Variants in CSMD1 observed in about 807,000 individuals in gnomAD.
CSMD1 encodes the protein CUB and sushi domain-containing protein 1.
A neutral mutation model predicts 417.5 loss-of-function variants in CSMD1; 213 were observed. That is an observed-to-expected ratio of 0.51 (90% CI 0.46 to 0.57). CSMD1 has a LOEUF of 0.57. Among genes scored for constraint, CSMD1 ranks in the 20% least tolerant of loss-of-function variants. CSMD1 has a pLI of 0.00. For missense variants in CSMD1, 6,923 were observed against 4,529.7 expected (o/e 1.53, Z -15.17); for synonymous variants, 2,862 against 1,736.8 (o/e 1.65, Z -16.11).
At chr8:4,449,682 G>A (rs1017506204) in intron 2 of CSMD1, among the ~76,000 whole-genome samples, 4 of 152,110 alleles carry the variant, frequency 2.6e-5, no homozygotes, top group South Asian at 2.1e-4. Context: ...GAATGGGATG[G>A]GAAGAGAGGG....
intron 1 of CSMD1, among the ~76,000 whole-genome samples, chr8:4,763,689 T>C (rs1438696000): frequency 6.6e-6 from 1 of 152,192 alleles, no homozygotes; most frequent in Non-Finnish European, 1.5e-5. Context: ...CAAGCAAGTT[T>C]TGATTGAAGT....
chr8:4,019,843 T>C (rs1585144050), intron 4 of CSMD1, among the ~76,000 whole-genome samples: 1 of 151,870 alleles, frequency 6.6e-6, no homozygotes, highest in African/African-American at 2.4e-5. Flanking sequence ...TCCTTTTTCC[T>C]GAGCCCCAAA....
rs1441291482 is a variant in CSMD1, at chr8:3,189,976, C to T, written c.5334G>A (p.Ala1778=). 8 of 1,598,088 alleles carry T rather than the reference C, an allele frequency of 5.0e-6. No individual in the cohort carries two copies. The highest frequency in any genetic ancestry group is 2.3e-5 in the South Asian group (2 of 87,632). The change falls in exon 34 of 70, where the codon GCG becomes GCA. Residue 1778 remains alanine (A), a synonymous_variant. Coordinates refer to ENST00000635120, the MANE Select transcript of CSMD1 (RefSeq NM_033225.6). ...NPGYLLQGST[A]LHCQSVPNAL... ...CGTTGGGCACGGACTGGCAGTGGAG[C>T]GCCGTGGAACCCTGAAGCAGGTATC...
intron 1 of CSMD1, among the ~76,000 whole-genome samples, chr8:4,649,676 C>G (rs973792548): frequency 1.3e-5 from 2 of 152,196 alleles, no homozygotes; most frequent in Admixed American, 6.5e-5. Context: ...AGCCATGAAA[C>G]TACATTAATT....
At chr8:4,935,217 C>G (rs1361885938) in intron 1 of CSMD1, among the ~76,000 whole-genome samples, 2 of 152,150 alleles carry the variant, frequency 1.3e-5, no homozygotes, top group Non-Finnish European at 2.9e-5. Context: ...ATATGTGGTC[C>G]CTGGATCCAG....
intron 3 of CSMD1, among the ~76,000 whole-genome samples, chr8:4,416,373 T>A (rs1366571104): frequency 6.6e-6 from 1 of 152,120 alleles, no homozygotes; most frequent in African/African-American, 2.4e-5. Flanking sequence ...AAAGCTAGAT[T>A]TTAAAAATAT....
chr8:3,044,744 AG>A (rs1811327054), intron 50 of CSMD1, among the ~76,000 whole-genome samples: 1 of 152,236 alleles, frequency 6.6e-6, no homozygotes, highest in Admixed American at 6.5e-5. Context: ...TAAAAACCTG[AG>A]GGTGAAACGA....
At chr8:3,481,853 C>A (rs1817767319) in intron 11 of CSMD1, among the ~76,000 whole-genome samples, 1 of 152,102 alleles carries the variant, frequency 6.6e-6, no homozygotes, top group African/African-American at 2.4e-5. Flanking sequence ...TTGATGCTGG[C>A]CTAGAAAACC....
intron 3 of CSMD1, among the ~76,000 whole-genome samples, chr8:4,129,032 C>CGCCACT (rs1453749809): frequency 1.4e-5 from 2 of 143,776 alleles, no homozygotes; most frequent in African/African-American, 5.1e-5. Flanking sequence ...GCCGAGATCG[C>CGCCACT]GCCACTGCAC....
chr8:3,708,999 G>C (rs1335875718), intron 6 of CSMD1, among the ~76,000 whole-genome samples: 1 of 152,160 alleles, frequency 6.6e-6, no homozygotes, highest in South Asian at 2.1e-4. Flanking sequence ...TGCTCTACGT[G>C]CTGTAGATAA....
chr8:4,299,217 A>G (rs1365498531), intron 3 of CSMD1, among the ~76,000 whole-genome samples: 1 of 152,216 alleles, frequency 6.6e-6, no homozygotes, highest in Non-Finnish European at 1.5e-5. Flanking sequence ...CAGGTAATGT[A>G]AGTCATCAGA....
intron 4 of CSMD1, among the ~76,000 whole-genome samples, chr8:4,017,019 A>T (rs895595986): frequency 1.3e-5 from 2 of 152,218 alleles, no homozygotes; most frequent in Non-Finnish European, 2.9e-5. Flanking sequence ...GACTTTCAGA[A>T]GGAAGAGCCA....
intron 3 of CSMD1, among the ~76,000 whole-genome samples, chr8:4,104,848 G>A (rs1031116523): frequency 3.3e-5 from 5 of 152,132 alleles, no homozygotes; most frequent in African/African-American, 9.7e-5. Flanking sequence ...GCCTCTGAGT[G>A]CTTAGCCTTA....
In CSMD1 at chr8:4,538,684, T is replaced by G. The variant is rs191224721; in HGVS notation, c.302+98658A>C. On this transcript the variant is annotated intron_variant, in intron 2 of 69. Transcript: ENST00000635120. ...AAATGAAATATAATAAAATAAAATG[T>G]AGTACCAACCTGGATAAGACACTTG... is the stretch of plus-strand genomic sequence containing the variant. Among the ~76,000 whole-genome samples the G allele has an allele frequency of 3.9e-5, 6 of 152,218 alleles. No individual in the cohort carries two copies. The East Asian group carries it at 1.2e-3, about 29-fold the overall frequency.
At chr8:3,472,953 C>A (rs1465991468) in intron 11 of CSMD1, among the ~76,000 whole-genome samples, 3 of 152,172 alleles carry the variant, frequency 2.0e-5, no homozygotes, top group South Asian at 4.2e-4. Context: ...CCATTTCCAA[C>A]CTCTCAGCTG....
At chr8:4,750,172 A>T (rs1811220852) in intron 1 of CSMD1, among the ~76,000 whole-genome samples, 1 of 151,328 alleles carries the variant, frequency 6.6e-6, no homozygotes, top group African/African-American at 2.4e-5. Flanking sequence ...CGCCCGGCTA[A>T]TTTTTTTTGT....
At chr8:2,963,428 C>G (rs7845400) in intron 59 of CSMD1, 33 bp from the exon 60 acceptor site, 11 of 1,601,934 alleles carry the variant, frequency 6.9e-6, no homozygotes, top group Non-Finnish European at 6.8e-6. Context: ...ATCAACATTC[C>G]GGAGCTCCCG....
At chr8:4,894,029 T>A (rs1804309964) in intron 1 of CSMD1, among the ~76,000 whole-genome samples, 1 of 138,054 alleles carries the variant, frequency 7.2e-6, no homozygotes, top group Non-Finnish European at 1.6e-5. Context: ...GATTTTCTCT[T>A]TGATTTATTT....
intron 2 of CSMD1, among the ~76,000 whole-genome samples, chr8:4,490,433 G>T (rs138118101): frequency 5.3e-4 from 80 of 152,074 alleles, no homozygotes; most frequent in African/African-American, 1.9e-3. Context: ...ATCTACTATT[G>T]GTTTTAACTT....
Sources: allele counts gnomAD v4.1 joint callset (sites outside exome capture counted in the v4.1 genomes callset), GRCh38; gene constraint gnomAD v4.1.1; transcripts MANE v1.5; gene names NCBI Gene and HGNC (gene_info 2026-07-23, HGNC 2026-07-21).